Variants in TMEM225B observed in about 807,000 individuals in gnomAD.
TMEM225B encodes the protein transmembrane protein 225-like.
TMEM225B carries 10 observed loss-of-function variants against 16.9 expected under a neutral mutation model. The observed-to-expected ratio is 0.59, with a 90% CI of 0.36 to 1.00. The LOEUF (loss-of-function observed/expected upper bound fraction) is 1.00. Ranked by LOEUF, TMEM225B falls within the 50% of genes least tolerant of loss-of-function variation. TMEM225B has a pLI of 0.01. For missense variants in TMEM225B, 217 were observed against 267.0 expected, an observed-to-expected ratio of 0.81 and a Z score of 1.30; for synonymous variants, 92 against 109.8, an observed-to-expected ratio of 0.84 and a Z score of 1.01.
intron 2 of TMEM225B, 60 bp from the exon 3 acceptor site, chr7:99,604,326 T>C (rs1805607719): frequency 1.4e-5 from 16 of 1,124,382 alleles, no homozygotes; most frequent in Non-Finnish European, 2.1e-5. Flanking sequence ...TCCTTCCCTC[T>C]GTGCTGCAGG....
intron 2 of TMEM225B, among the ~76,000 whole-genome samples, chr7:99,603,418 A>C (rs1584306554): frequency 6.6e-6 from 1 of 152,196 alleles, no homozygotes. Context: ...AGGGCCAGGC[A>C]TGGTGGCTCA....
At chr7:99,609,109 G>A (rs1195643979) in intron 5 of TMEM225B, among the ~76,000 whole-genome samples, 1 of 151,922 alleles carries the variant, frequency 6.6e-6, no homozygotes, top group African/African-American at 2.4e-5. Context: ...GGAGGTTGCG[G>A]TGAGCTGAGA....
intron 4 of TMEM225B, among the ~76,000 whole-genome samples, chr7:99,607,407 C>T (rs1457789968): frequency 6.6e-6 from 1 of 152,184 alleles, no homozygotes; most frequent in Non-Finnish European, 1.5e-5. Flanking sequence ...GTGTTGCACC[C>T]TCTGCTAAGG....
chr7:99,607,833 C>A (rs573208499), intron 5 of TMEM225B, 23 bp downstream of exon 5: 5 of 1,532,838 alleles, frequency 3.3e-6, no homozygotes. Context: ...GGAACAGTGC[C>A]CTGCTTCTTG....
intron 5 of TMEM225B, among the ~76,000 whole-genome samples, chr7:99,608,969 C>T (rs914501346): frequency 4.6e-5 from 7 of 151,656 alleles, no homozygotes; most frequent in African/African-American, 1.7e-4. Context: ...GAGTTCAAGA[C>T]CAGCCTGGCC....
At chr7:99,604,964 C>T (rs1363385171) in intron 3 of TMEM225B, among the ~76,000 whole-genome samples, 1 of 151,858 alleles carries the variant, frequency 6.6e-6, no homozygotes, top group Non-Finnish European at 1.5e-5. Context: ...CCACTGCATT[C>T]CAGCCTGGGA....
At chr7:99,607,984 G>A (rs1229369771) in intron 5 of TMEM225B, among the ~76,000 whole-genome samples, 174 bp downstream of exon 5, 1 of 152,246 alleles carries the variant, frequency 6.6e-6, no homozygotes, top group Non-Finnish European at 1.5e-5. Flanking sequence ...GCCAGATGTG[G>A]TGGTTCACAC....
At chr7:99,600,018 G>C (rs1476742251) in intron 1 of TMEM225B, among the ~76,000 whole-genome samples, 187 bp from the exon 2 acceptor site, 2 of 152,238 alleles carry the variant, frequency 1.3e-5, no homozygotes, top group African/African-American at 4.8e-5. Context: ...GGCTGCTTCA[G>C]GGAGGGACCT....
chr7:99,608,714 A>T (rs1445550623), intron 5 of TMEM225B, among the ~76,000 whole-genome samples: 1 of 113,890 alleles, frequency 8.8e-6, no homozygotes, highest in Non-Finnish European at 1.6e-5. Flanking sequence ...TAGTTAAAAA[A>T]AAATATATAT....
chr7:99,610,444 C>G lies in TMEM225B; in HGVS notation c.545C>G (p.Ser182Cys). Residue 182 changes from serine (S) to cysteine (C), a missense_variant, in exon 6 of 6, where the codon TCC becomes TGC. Ser to Cys is a moderately radical substitution (Grantham distance 112). Coordinates refer to ENST00000431679, the MANE Select transcript of TMEM225B (RefSeq NM_001195541.3). ...EMVCPCWHLL[S>C]TSQSMEEDHG... ...GTTTGCCCTTGCTGGCACTTGTTGT[C>G]CACTTCCCAGAGTATGGAGGAGGAC... The G allele has an allele frequency of 1.3e-6, 2 of 1,536,066 alleles. No homozygotes were observed. The highest frequency in any genetic ancestry group is 1.7e-6 in the Non-Finnish European group (2 of 1,146,902).
chr7:99,609,891 T>G (rs1413526837), intron 5 of TMEM225B, among the ~76,000 whole-genome samples: 1 of 152,166 alleles, frequency 6.6e-6, no homozygotes, highest in Admixed American at 6.5e-5. Context: ...CATGCCATCA[T>G]GCCTGGCTAA....
chr7:99,609,445 CT>C lies in TMEM225B; in HGVS notation c.494-943del, dbSNP rs747075760. Among the ~76,000 whole-genome samples the C allele has an allele frequency of 2.4e-3, 370 of 152,130 alleles. 1 individual carries two copies. The highest frequency in any genetic ancestry group is 6.8e-3 in the Middle Eastern group (2 of 294). Reference sequence around the variant, plus strand: ...CTCAAGATATCTCCATTTGTTGTCTCTTTTTGTTCCCGAGATGGAGTCTTGC... The same window carrying C: ...CTCAAGATATCTCCATTTGTTGTCTCTTTTGTTCCCGAGATGGAGTCTTGC... On this transcript the variant is annotated intron_variant, in intron 5 of 5. Coordinates refer to ENST00000431679, the MANE Select transcript of TMEM225B (RefSeq NM_001195541.3).
intron 2 of TMEM225B, among the ~76,000 whole-genome samples, chr7:99,601,473 G>A (rs1296731593): frequency 2.0e-5 from 3 of 152,274 alleles, no homozygotes; most frequent in East Asian, 3.9e-4. Context: ...CGCACCTGTA[G>A]TCCCAGCTAC....
rs10251931 is a variant in TMEM225B at position 99,602,036 on chromosome 7, C to A, written c.-4+1751C>A. On this transcript the variant is annotated intron_variant, in intron 2 of 5. Coordinates refer to ENST00000431679, the MANE Select transcript of TMEM225B (RefSeq NM_001195541.3). The stretch of plus-strand genomic sequence containing the variant: ...CGTGATGCTGCCAAGCCCAGCCTGG[C>A]ACAGGCAAGGGTCCCCAGGTCTGGC... Among the ~76,000 whole-genome samples, 720 of 152,334 alleles carry A rather than the reference C, an allele frequency of 4.7e-3. 4 individuals are homozygous for A. The highest frequency in any genetic ancestry group is 0.016 in the African/African-American group (667 of 41,590).
At chr7:99,598,245 C>G (rs1364686968), upstream of TMEM225B, 1 of 152,352 alleles carries the variant, frequency 6.6e-6, no homozygotes, top group Non-Finnish European at 1.5e-5. Flanking sequence ...CGGGGCAACC[C>G]CCCGCCGGGG....
rs1805856163 is a variant in TMEM225B, at chr7:99,606,816, A to G, written c.277A>G (p.Met93Val). The G allele has an allele frequency of 1.3e-6, 2 of 1,535,922 alleles. No homozygotes were observed. Among genetic ancestry groups the G allele is most frequent in the Non-Finnish European group, 8.7e-7 (1 of 1,146,886 alleles). The stretch of plus-strand genomic sequence containing the variant: ...CTTGGCTTTCGTCACCACCTTCATC[A>G]TGATGCCCTTTGCATCCGAGTTCTT... ...VFLAFVTTFIMMPFASEFFPR... is the reference protein window; with the variant it reads ...VFLAFVTTFIVMPFASEFFPR... The change falls in exon 4 of 6, where the codon ATG becomes GTG. Residue 93 changes from methionine (M) to valine (V), a missense_variant. Physicochemically the swap from Met to Val is conservative, Grantham distance 21. Transcript: ENST00000431679.
chr7:99,609,725 C>T (rs549177257), intron 5 of TMEM225B, among the ~76,000 whole-genome samples: 77 of 150,930 alleles, frequency 5.1e-4, no homozygotes, highest in African/African-American at 1.7e-3. Context: ...TGAGCCACCG[C>T]GCCCGGCCAC....
Position 99,606,897 on chromosome 7 carries a change from G to A in TMEM225B, c.355+3G>A, listed in dbSNP as rs1446414143. ...AGCCTGCATCAGCTTCTTCACAGGT[G>A]TGGAACAGCTAGGTGATCCCTGACC... On this transcript the variant is annotated splice_donor_region_variant and intron_variant, in intron 4 of 5. Coordinates refer to ENST00000431679, the MANE Select transcript of TMEM225B (RefSeq NM_001195541.3). The A allele has an allele frequency of 1.3e-6, 2 of 1,536,136 alleles. No homozygotes were observed. The highest frequency in any genetic ancestry group is 2.4e-5 in the East Asian group (1 of 40,922).
chr7:99,602,189 C>T (rs1353414550), intron 2 of TMEM225B, among the ~76,000 whole-genome samples: 2 of 152,216 alleles, frequency 1.3e-5, no homozygotes, highest in African/African-American at 4.8e-5. Context: ...CACCTGGAGG[C>T]CTCTGGCCAG....
Sources: allele counts gnomAD v4.1 joint callset (sites outside exome capture counted in the v4.1 genomes callset), GRCh38; gene constraint gnomAD v4.1.1; transcripts MANE v1.5; gene names NCBI Gene and HGNC (gene_info 2026-07-23, HGNC 2026-07-21).